Variants in NFASC observed in about 807,000 individuals in gnomAD.
NFASC encodes neurofascin.
NFASC carries 43 observed loss-of-function variants against 147.5 expected under a neutral mutation model. That is an observed-to-expected ratio of 0.29 (90% confidence interval 0.23 to 0.38). NFASC has a LOEUF of 0.38. NFASC is among the 10% of genes least tolerant of loss of function. NFASC has a pLI of 1.00. For synonymous variants in NFASC, 622 were observed against 665.5 expected, an observed-to-expected ratio of 0.93 and a Z score of 1.01; for missense variants, 1,320 against 1,689.0, an observed-to-expected ratio of 0.78 and a Z score of 3.83.
At position 204,968,550 on chromosome 1, in the gene NFASC, T is replaced by C; in HGVS notation, c.818+190T>C. On this transcript the variant is annotated intron_variant, in intron 9 of 29. Coordinates refer to ENST00000339876, the MANE Select transcript of NFASC (RefSeq NM_001005388.3). The surrounding 1 kb of genome is among the most constrained non-coding windows in gnomAD (Gnocchi z 5.4). ...CATCCTATCCTGGCCATCTCTGTTT[T>C]GGATAATGAGGAAAGAAGGTGATTA... The C allele has an allele frequency of 3.2e-6, 2 of 617,372 alleles. No homozygotes were observed. The highest frequency in any genetic ancestry group is 2.8e-5 in the East Asian group (1 of 36,312). 38.2% of individuals were successfully genotyped at this position (617,372 alleles called of 1,614,324 possible).
At chr1:204,996,028 C>T (rs996578081) in intron 24 of NFASC, among the ~76,000 whole-genome samples, 1 of 152,088 alleles carries the variant, frequency 6.6e-6, no homozygotes, top group Admixed American at 6.5e-5. Context: ...GGCTTTGTCT[C>T]TCTCTGCTTG....
rs142919727 is a variant in NFASC, at chr1:205,014,079, C to T, written c.3491+1213C>T. Among the ~76,000 whole-genome samples the T allele has an allele frequency of 2.8e-4, 43 of 152,342 alleles. No individual in the cohort carries two copies. The East Asian group carries it at 7.5e-3, about 27-fold the overall frequency. On this transcript the variant is annotated intron_variant, in intron 29 of 29. Coordinates refer to ENST00000339876, the MANE Select transcript of NFASC (RefSeq NM_001005388.3). ...TTTTGTTCCAAAAGCCACAGGGCTT[C>T]TCCTCCCCCAGACTCTTGGTGCAGC...
At chr1:204,908,262 A>G (rs61497641) in intron 1 of NFASC, among the ~76,000 whole-genome samples, 1 of 152,204 alleles carries the variant, frequency 6.6e-6, no homozygotes, top group African/African-American at 2.4e-5. Flanking sequence ...AATTACAGGC[A>G]TGAGCTACCA....
intron 27 of NFASC, among the ~76,000 whole-genome samples, chr1:205,003,357 G>A (rs913846436): frequency 6.6e-5 from 10 of 152,314 alleles, no homozygotes; most frequent in African/African-American, 1.4e-4. Context: ...CTCCAGAACC[G>A]GAAAGGTTCT....
Position 204,968,404 on chromosome 1 carries a change from G to A in NFASC, c.818+44G>A. 1.4e-6 allele frequency: 2 copies of A among 1,417,928 alleles called. No individual in the cohort carries two copies. Among genetic ancestry groups the A allele is most frequent in the Non-Finnish European group, 2.0e-6 (2 of 1,001,934 alleles). The allele number at this position is 1,417,928 out of a possible 1,614,324, so 87.8% of individuals were successfully genotyped here. ...CCCTCTTCTAGCCACCCTCCAGGAG[G>A]ATGGGGATGGGAGCTTGTTCATGCT... On this transcript the variant is annotated intron_variant, in intron 9 of 29. Transcript: ENST00000339876. The surrounding 1 kb of genome is among the most constrained non-coding windows in gnomAD (Gnocchi z 5.4).
intron 25 of NFASC, chr1:204,998,420 T>C (rs961728503): frequency 3.3e-5 from 5 of 152,298 alleles, no homozygotes; most frequent in African/African-American, 1.2e-4. Flanking sequence ...TTCCAAGGCC[T>C]CCTTTCTCCC....
At chr1:204,970,074 CAAAAAAA>C (rs11307141) in intron 10 of NFASC, among the ~76,000 whole-genome samples, 1 of 65,460 alleles carries the variant, frequency 1.5e-5, no homozygotes. Flanking sequence ...GACTCCATCT[CAAAAAAA>C]AAAAAAAAAA....
intron 21 of NFASC, chr1:204,985,938 T>C: frequency 6.2e-7 from 1 of 1,613,684 alleles, no homozygotes; most frequent in South Asian, 1.1e-5. Context: ...AGCAGCTTGC[T>C]GAAGAACCTG....
At position 204,976,789 on chromosome 1, in the gene NFASC, G is replaced by A. The variant is rs113197466; in HGVS notation, c.1825G>A (p.Val609Met). ...DQDLAKAYLTVLADQATPTNR... is the reference protein window; with the variant it reads ...DQDLAKAYLTMLADQATPTNR... ...AGACCTGGCCAAGGCCTACCTCACCGTGCTAGGTAACTGCCCATGCTCACC... is the reference window on the plus strand; with the variant it reads ...AGACCTGGCCAAGGCCTACCTCACCATGCTAGGTAACTGCCCATGCTCACC... Residue 609 changes from valine to methionine, a missense_variant, in exon 16 of 30, where the codon GTG becomes ATG. Around this residue, in one of 3 missense-constraint regions of NFASC, gnomAD observed 981 missense variants for 1,289.5 expected, o/e 0.76. Coordinates refer to ENST00000339876, the MANE Select transcript of NFASC (RefSeq NM_001005388.3). 5.3e-5 allele frequency: 85 copies of A among 1,613,218 alleles called. No homozygotes were observed. Among genetic ancestry groups the A allele is most frequent in the Admixed American group, 4.7e-4 (28 of 59,916 alleles).
chr1:205,003,627 G>A (rs1273484496), intron 27 of NFASC, among the ~76,000 whole-genome samples: 1 of 152,132 alleles, frequency 6.6e-6, no homozygotes, highest in Non-Finnish European at 1.5e-5. Flanking sequence ...GAGAGAAAAG[G>A]ATCAGTACCT....
intron 1 of NFASC, among the ~76,000 whole-genome samples, chr1:204,854,217 T>C (rs2075957001): frequency 6.6e-6 from 1 of 151,926 alleles, no homozygotes; most frequent in South Asian, 2.1e-4. Flanking sequence ...GATGCACGAG[T>C]TGGGGGCTGT....
In NFASC at chr1:205,000,776, G is replaced by A. The variant is rs141169904; in HGVS notation, c.3020-394G>A. On this transcript the variant is annotated intron_variant, in intron 25 of 29. Transcript: ENST00000339876. ...TGGGAAGTGGAGGTTACAGTGAGTC[G>A]AGATCGCACCACTGTACTCCAGCTT... The A allele has an allele frequency of 4.9e-3, 1,072 of 220,966 alleles. 14 individuals carry two copies. Among genetic ancestry groups the A allele is most frequent in the African/African-American group, 0.024 (1,009 of 42,258 alleles). The allele number at this position is 220,966 out of a possible 1,614,324, so 13.7% of individuals were successfully genotyped here. A position where few individuals can be genotyped will look rare whatever the true frequency, so the allele number is the denominator to read the frequency against.
chr1:204,955,062 G>A lies in NFASC; in HGVS notation c.535+111G>A, dbSNP rs979644618. 7 of 1,368,810 alleles carry A rather than the reference G, an allele frequency of 5.1e-6. No individual in the cohort carries two copies. In the African/African-American group the frequency reaches 8.6e-5, roughly 17 times the overall value. The allele number at this position is 1,368,810 out of a possible 1,614,324, so 84.8% of individuals were successfully genotyped here. On this transcript the variant is annotated intron_variant, in intron 7 of 29. Coordinates refer to ENST00000339876, the MANE Select transcript of NFASC (RefSeq NM_001005388.3). ...GCTAGAAGGCCTTGATTTGTGAGAG[G>A]CAGGTGCAATGTGGCAACCAGGCTG...
chr1:204,879,585 T>G (rs1303585391), intron 1 of NFASC, among the ~76,000 whole-genome samples: 2 of 152,234 alleles, frequency 1.3e-5, no homozygotes, highest in Non-Finnish European at 2.9e-5. Flanking sequence ...TCTCACCAGA[T>G]GTGCTTTCTC....
chr1:204,889,926 G>T (rs1363057357), intron 1 of NFASC, among the ~76,000 whole-genome samples: 1 of 152,198 alleles, frequency 6.6e-6, no homozygotes, highest in East Asian at 1.9e-4. Context: ...TGCTTCAGAG[G>T]GTAATTCCCC....
intron 1 of NFASC, among the ~76,000 whole-genome samples, chr1:204,900,823 A>C (rs2084402378): frequency 6.6e-6 from 1 of 152,120 alleles, no homozygotes; most frequent in African/African-American, 2.4e-5. Context: ...TAGTAGAGGA[A>C]TTGAGAAGAA....
chr1:204,912,389 A>G (rs963900455), intron 1 of NFASC, among the ~76,000 whole-genome samples: 1 of 152,070 alleles, frequency 6.6e-6, no homozygotes, highest in African/African-American at 2.4e-5. Context: ...TCTTTGAATT[A>G]TGGATTATTT....
intron 1 of NFASC, among the ~76,000 whole-genome samples, chr1:204,846,153 T>C (rs964964203): frequency 6.6e-6 from 1 of 151,278 alleles, no homozygotes; most frequent in Non-Finnish European, 1.5e-5. Context: ...GCCCAGGAGT[T>C]TGAGGCCAGC....
chr1:204,974,401 A>C, intron 13 of NFASC, 111 bp downstream of exon 13: 2 of 890,396 alleles, frequency 2.2e-6, no homozygotes, highest in Non-Finnish European at 3.6e-6. Context: ...TTAAAGGGTC[A>C]AAGCTGGGAG....
Sources: allele counts gnomAD v4.1 joint callset (sites outside exome capture counted in the v4.1 genomes callset), GRCh38; gene constraint gnomAD v4.1.1; regional missense constraint gnomAD v4.1.1; non-coding constraint Gnocchi (gnomAD v3.1); transcripts MANE v1.5; gene names NCBI Gene and HGNC (gene_info 2026-07-23, HGNC 2026-07-21).